The following OCA2 variants were observed in gnomAD, a reference collection of about 807,000 sequenced individuals.
The protein encoded by OCA2 is P protein.
A neutral mutation model predicts 100.2 loss-of-function variants in OCA2; 77 were observed. The ratio of observed to expected loss-of-function variants is 0.77; its 90% CI spans 0.64 to 0.93. The LOEUF (loss-of-function observed/expected upper bound fraction) is 0.93. OCA2 is among the 40% of genes least tolerant of loss of function. The probability of loss-of-function intolerance (pLI) is 0.00; values close to 1 mark genes in which losing one functional copy is unlikely to be tolerated. For synonymous variants in OCA2, 432 were observed against 439.2 expected, an observed-to-expected ratio of 0.98 and a Z score of 0.21; for missense variants, 1,062 against 1,089.1, an observed-to-expected ratio of 0.98 and a Z score of 0.35.
At position 27,785,251 on chromosome 15, in the gene OCA2, C is replaced by T. The variant is rs111471720; in HGVS notation, c.2433-29779G>A. 7.7e-4 allele frequency among the ~76,000 whole-genome samples: 117 copies of T among 152,176 alleles called. 2 individuals carry two copies. The East Asian group carries it at 0.019, about 24-fold the overall frequency. On this transcript the variant is annotated intron_variant, in intron 23 of 23. Transcript: ENST00000354638. The stretch of plus-strand genomic sequence containing the variant: ...AAATACATTTCAAAAATAAAGCAGA[C>T]GCAGAAATTCCATTCCTAGGTATGT...
intron 21 of OCA2, among the ~76,000 whole-genome samples, chr15:27,870,792 G>A (rs77595672): frequency 3.0e-5 from 1 of 32,924 alleles, no homozygotes; most frequent in South Asian, 1.7e-3. Flanking sequence ...GAAAGAAAAA[G>A]AAAGAAAGAA....
chr15:27,769,502 T>C (rs1026488727), intron 23 of OCA2, among the ~76,000 whole-genome samples: 1 of 152,104 alleles, frequency 6.6e-6, no homozygotes, highest in South Asian at 2.1e-4. Flanking sequence ...ATTCTTCCTG[T>C]TTATGTTTCC....
intron 19 of OCA2, among the ~76,000 whole-genome samples, chr15:27,909,483 A>C (rs2038303467): frequency 6.6e-6 from 1 of 152,214 alleles, no homozygotes; most frequent in Non-Finnish European, 1.5e-5. Context: ...AAGGGGACAT[A>C]ACTAGCCCTA....
chr15:28,081,992 G>A (rs2044649296), intron 1 of OCA2, 97 bp from the exon 2 acceptor site: 1 of 1,030,628 alleles, frequency 9.7e-7, no homozygotes, highest in African/African-American at 1.6e-5. Flanking sequence ...TGCTTCTTCG[G>A]AGGCGGTCCC....
At chr15:27,926,761 C>T (rs968420383) in intron 18 of OCA2, among the ~76,000 whole-genome samples, 8 of 152,080 alleles carry the variant, frequency 5.3e-5, no homozygotes, top group African/African-American at 1.9e-4. Context: ...TACAGTCATG[C>T]ACCACCACAC....
intron 23 of OCA2, among the ~76,000 whole-genome samples, chr15:27,803,373 A>G (rs1048042661): frequency 9.2e-5 from 14 of 152,382 alleles, no homozygotes; most frequent in African/African-American, 2.9e-4. Flanking sequence ...GTATATCTAC[A>G]CAATGGAATA....
chr15:28,020,240 C>T (rs1018424775), intron 6 of OCA2, among the ~76,000 whole-genome samples: 1 of 152,174 alleles, frequency 6.6e-6, no homozygotes, highest in South Asian at 2.1e-4. Context: ...AGAAGGAGCT[C>T]GGCAAAATGC....
chr15:27,811,493 G>C (rs1159273765), intron 23 of OCA2, among the ~76,000 whole-genome samples: 1 of 151,916 alleles, frequency 6.6e-6, no homozygotes, highest in Non-Finnish European at 1.5e-5. Context: ...AAAATCACTT[G>C]TACTCCCAAA....
chr15:27,841,250 C>T (rs4778196), intron 23 of OCA2, among the ~76,000 whole-genome samples: 44,115 of 152,070 alleles, frequency 0.29, 6,869 homozygotes, highest in East Asian at 0.56. Context: ...AGCATTCTTG[C>T]AATGACAAAA....
chr15:27,933,662 G>A (rs555397056), intron 18 of OCA2, among the ~76,000 whole-genome samples: 7 of 152,276 alleles, frequency 4.6e-5, no homozygotes, highest in African/African-American at 1.4e-4. Flanking sequence ...GGCCAGGGCG[G>A]GAGTCACAAC....
intron 19 of OCA2, among the ~76,000 whole-genome samples, chr15:27,920,377 A>G (rs1420219056): frequency 6.6e-6 from 1 of 152,236 alleles, no homozygotes; most frequent in Admixed American, 6.5e-5. Context: ...TTTAGGGTCA[A>G]AGAAGGACAT....
intron 19 of OCA2, among the ~76,000 whole-genome samples, chr15:27,882,573 G>A (rs2037063427): frequency 1.3e-5 from 2 of 152,060 alleles, no homozygotes; most frequent in African/African-American, 4.8e-5. Context: ...ATTTTCCCTT[G>A]GAAATTTATT....
At chr15:27,896,953 G>C (rs552431396) in intron 19 of OCA2, among the ~76,000 whole-genome samples, 1 of 152,124 alleles carries the variant, frequency 6.6e-6, no homozygotes, top group East Asian at 1.9e-4. Flanking sequence ...CACTCTGGGG[G>C]GCCGAGGTGG....
intron 2 of OCA2, among the ~76,000 whole-genome samples, chr15:28,039,813 T>C (rs1463552665): frequency 6.6e-6 from 1 of 152,078 alleles, no homozygotes; most frequent in Non-Finnish European, 1.5e-5. Flanking sequence ...GGCAGGTGGA[T>C]CACAAGGTCA....
intron 19 of OCA2, among the ~76,000 whole-genome samples, chr15:27,901,733 AT>A (rs536760075): frequency 1.2e-3 from 188 of 152,362 alleles, no homozygotes; most frequent in Middle Eastern, 6.8e-3. Flanking sequence ...TCCACTTACA[AT>A]GTAACATTGC....
At chr15:28,088,053 C>A (rs933254182) in intron 1 of OCA2, among the ~76,000 whole-genome samples, 40 of 151,562 alleles carry the variant, frequency 2.6e-4, no homozygotes, top group African/African-American at 9.2e-4. Context: ...CGAAAGCGAA[C>A]CTGCATCTCA....
At position 28,032,059 on chromosome 15, in the gene OCA2, T is replaced by C; in HGVS notation, c.326+6A>G. ...TTACTTTCATATGAGGGGGAAAATATCTCACCCTTTCTCCTGTAAGGAATT... is the reference window on the plus strand; with the variant it reads ...TTACTTTCATATGAGGGGGAAAATACCTCACCCTTTCTCCTGTAAGGAATT... On this transcript the variant is annotated splice_donor_region_variant and intron_variant, in intron 3 of 23. Coordinates refer to ENST00000354638, the MANE Select transcript of OCA2 (RefSeq NM_000275.3). The C allele has an allele frequency of 6.2e-7, 1 of 1,604,266 alleles. No individual in the cohort carries two copies. The highest frequency in any genetic ancestry group is 8.5e-7 in the Non-Finnish European group (1 of 1,170,986).
intron 23 of OCA2, among the ~76,000 whole-genome samples, chr15:27,802,426 G>A (rs553951234): frequency 5.9e-5 from 9 of 152,186 alleles, no homozygotes; most frequent in African/African-American, 2.2e-4. Context: ...ATCACAGCAA[G>A]CTATTTGTAC....
chr15:28,079,405 T>C (rs1008619142), intron 2 of OCA2, among the ~76,000 whole-genome samples: 15 of 152,168 alleles, frequency 9.9e-5, no homozygotes, highest in Admixed American at 9.2e-4. Flanking sequence ...TGGGATACTG[T>C]GTACATGGCC....
Sources: allele counts gnomAD v4.1 joint callset (sites outside exome capture counted in the v4.1 genomes callset), GRCh38; gene constraint gnomAD v4.1.1; transcripts MANE v1.5; gene names NCBI Gene and HGNC (gene_info 2026-07-23, HGNC 2026-07-21).